Variants in TRHDE observed in about 807,000 individuals in gnomAD.
TRHDE encodes the protein thyrotropin releasing hormone degrading enzyme.
In TRHDE, 72 loss-of-function variants were observed where a neutral mutation model predicts 125.7. The observed-to-expected ratio is 0.57, with a 90% confidence interval of 0.47 to 0.70. The LOEUF (loss-of-function observed/expected upper bound fraction) is 0.70. TRHDE is among the 30% of genes least tolerant of loss of function. The pLI is 0.00. For missense variants in TRHDE, 1,110 were observed against 1,327.1 expected (o/e 0.84, Z 2.54); for synonymous variants, 509 against 509.1 (o/e 1.00, Z 0.00).
chr12:72,649,869 A>C (rs982675224), intron 15 of TRHDE, among the ~76,000 whole-genome samples: 3 of 152,120 alleles, frequency 2.0e-5, no homozygotes, highest in Non-Finnish European at 2.9e-5. Flanking sequence ...ATCAAAAAAA[A>C]CAAAACACAG....
intron 2 of TRHDE, among the ~76,000 whole-genome samples, chr12:72,166,676 A>G (rs187786358): frequency 6.6e-6 from 1 of 152,220 alleles, no homozygotes; most frequent in East Asian, 1.9e-4. Context: ...CTAGGACTGG[A>G]TGGGAAGTTT....
chr12:72,476,825 C>T (rs1046985738), intron 5 of TRHDE, among the ~76,000 whole-genome samples: 1 of 152,166 alleles, frequency 6.6e-6, no homozygotes, highest in Admixed American at 6.5e-5. Context: ...GTATACTTCG[C>T]TTAACTGTTA....
At chr12:72,659,395 C>CA (rs1342688718) in intron 18 of TRHDE, among the ~76,000 whole-genome samples, 1 of 152,224 alleles carries the variant, frequency 6.6e-6, no homozygotes, top group Admixed American at 6.5e-5. Context: ...CCAGTCCTTT[C>CA]ACATGCCCAT....
chr12:72,647,160 A>T (rs1874315351), intron 15 of TRHDE, among the ~76,000 whole-genome samples: 1 of 152,084 alleles, frequency 6.6e-6, no homozygotes, highest in Non-Finnish European at 1.5e-5. Flanking sequence ...ACAAATCAAT[A>T]GCAAAAAGAA....
chr12:72,380,885 T>TCTTCCTTCCTTCCTTCCTTC (rs202006141), intron 3 of TRHDE, among the ~76,000 whole-genome samples: 2 of 146,620 alleles, frequency 1.4e-5, no homozygotes, highest in African/African-American at 5.1e-5. Flanking sequence ...CTTCTTTCTT[T>TCTTCCTTCCTTCCTTCCTTC]CTTCCTTCCT....
intron 2 of TRHDE, among the ~76,000 whole-genome samples, chr12:72,196,779 T>G (rs889678246): frequency 1.3e-5 from 2 of 152,126 alleles, no homozygotes. Flanking sequence ...CCAGTCCAGA[T>G]GCCCTCTTGC....
At chr12:72,501,672 C>A (rs1264837112) in intron 6 of TRHDE, among the ~76,000 whole-genome samples, 1 of 151,814 alleles carries the variant, frequency 6.6e-6, no homozygotes, top group Non-Finnish European at 1.5e-5. Context: ...ACGTCTTTCA[C>A]CTTGTTGTCA....
intron 2 of TRHDE, among the ~76,000 whole-genome samples, chr12:72,320,670 T>C (rs1869045723): frequency 6.6e-6 from 1 of 152,014 alleles, no homozygotes; most frequent in Admixed American, 6.6e-5. Context: ...GAGTTTTACC[T>C]TGATAAAAAG....
chr12:72,256,861 A>C (rs559933243), intron 2 of TRHDE: 2 of 152,346 alleles, frequency 1.3e-5, no homozygotes, highest in African/African-American at 4.8e-5. Flanking sequence ...CACAGAGATG[A>C]AGCTTACTGA....
At chr12:72,613,872 G>A (rs1195380148) in intron 12 of TRHDE, among the ~76,000 whole-genome samples, 1 of 152,100 alleles carries the variant, frequency 6.6e-6, no homozygotes, top group Non-Finnish European at 1.5e-5. Context: ...GTGAGACTGT[G>A]TAATTTATAA....
At chr12:72,159,641 G>A (rs1876593788) in intron 2 of TRHDE, among the ~76,000 whole-genome samples, 1 of 152,056 alleles carries the variant, frequency 6.6e-6, no homozygotes, top group South Asian at 2.1e-4. Flanking sequence ...CAATTATTTT[G>A]TTTTCTTCAG....
chr12:72,366,243 T>C (rs543111317), intron 2 of TRHDE, among the ~76,000 whole-genome samples: 26 of 152,264 alleles, frequency 1.7e-4, no homozygotes, highest in Non-Finnish European at 2.6e-4. Context: ...TCACTCAGCC[T>C]ACCACACACA....
intron 5 of TRHDE, among the ~76,000 whole-genome samples, chr12:72,478,315 A>T (rs1001641678): frequency 6.6e-6 from 1 of 152,160 alleles, no homozygotes; most frequent in African/African-American, 2.4e-5. Context: ...AGTGGAAAGC[A>T]TGCCTGTTTG....
chr12:72,631,542 A>G (rs1225589846), intron 15 of TRHDE, among the ~76,000 whole-genome samples: 2 of 151,928 alleles, frequency 1.3e-5, no homozygotes, highest in African/African-American at 4.8e-5. Context: ...GTAAAAAGAA[A>G]ACAGGAAGCT....
At chr12:72,529,544 T>G (rs1418300391) in intron 6 of TRHDE, among the ~76,000 whole-genome samples, 3 of 152,174 alleles carry the variant, frequency 2.0e-5, no homozygotes, top group Non-Finnish European at 2.9e-5. Context: ...AAAAGCACAG[T>G]TTATAAATCC....
chr12:72,342,345 T>C (rs1870121769), intron 2 of TRHDE, among the ~76,000 whole-genome samples: 1 of 152,140 alleles, frequency 6.6e-6, no homozygotes, highest in Admixed American at 6.6e-5. Context: ...TCTTTTTAAA[T>C]GTGTACTCCA....
At chr12:72,640,155 G>T (rs991836600) in intron 15 of TRHDE, among the ~76,000 whole-genome samples, 2 of 152,242 alleles carry the variant, frequency 1.3e-5, no homozygotes, top group African/African-American at 4.8e-5. Context: ...CAATCAGCGA[G>T]ACTCCGTGGG....
intron 6 of TRHDE, among the ~76,000 whole-genome samples, chr12:72,514,151 C>A (rs969211695): frequency 6.6e-6 from 1 of 151,972 alleles, no homozygotes; most frequent in African/African-American, 2.4e-5. Context: ...CTAGAAAAGC[C>A]CAACTTCATA....
chr12:72,640,834 A>C (rs888603622), intron 15 of TRHDE, among the ~76,000 whole-genome samples: 4 of 152,316 alleles, frequency 2.6e-5, no homozygotes, highest in Admixed American at 2.6e-4. Flanking sequence ...CAAATGAATT[A>C]ATTAATTATA....
Sources: allele counts gnomAD v4.1 joint callset (sites outside exome capture counted in the v4.1 genomes callset), GRCh38; gene constraint gnomAD v4.1.1; transcripts MANE v1.5; gene names NCBI Gene and HGNC (gene_info 2026-07-23, HGNC 2026-07-21).